TAFA1: variants seen among roughly 807,000 people sequenced by gnomAD.
The protein encoded by TAFA1 is chemokine-like protein TAFA-1.
TAFA1 carries 4 observed loss-of-function variants against 18.5 expected under a neutral mutation model. The ratio of observed to expected loss-of-function variants is 0.22; its 90% CI spans 0.11 to 0.49. The LOEUF (loss-of-function observed/expected upper bound fraction) is 0.49, where lower values mean the gene tolerates loss of function less well. Ranked by LOEUF, TAFA1 falls within the 20% of genes least tolerant of loss-of-function variation. The pLI is 0.98. For missense variants in TAFA1, 147 were observed against 169.0 expected, an observed-to-expected ratio of 0.87 and a Z score of 0.72; for synonymous variants, 56 against 55.2, an observed-to-expected ratio of 1.01 and a Z score of -0.06.
intron 2 of TAFA1, among the ~76,000 whole-genome samples, chr3:68,073,805 G>A (rs2064787534): frequency 6.6e-6 from 1 of 152,062 alleles, no homozygotes; most frequent in South Asian, 2.1e-4. Context: ...GATGGTGATG[G>A]TGATGATGAT....
intron 2 of TAFA1, among the ~76,000 whole-genome samples, chr3:68,066,761 G>T (rs2064683542): frequency 6.6e-6 from 1 of 152,088 alleles, no homozygotes; most frequent in Non-Finnish European, 1.5e-5. Flanking sequence ...GGCATCAAGA[G>T]GCAACAAAAA....
At chr3:68,313,987 T>C (rs2068564723) in intron 2 of TAFA1, among the ~76,000 whole-genome samples, 1 of 152,222 alleles carries the variant, frequency 6.6e-6, no homozygotes, top group Non-Finnish European at 1.5e-5. Flanking sequence ...GAATCCTTTT[T>C]TTTCAACATT....
chr3:68,492,171 T>C (rs1203684187), intron 3 of TAFA1, among the ~76,000 whole-genome samples: 2 of 152,144 alleles, frequency 1.3e-5, no homozygotes, highest in Non-Finnish European at 2.9e-5. Flanking sequence ...GACTGGTCCT[T>C]GTGGGTCCCT....
intron 2 of TAFA1, among the ~76,000 whole-genome samples, chr3:68,076,455 C>T (rs2064825195): frequency 8.7e-6 from 1 of 115,592 alleles, no homozygotes; most frequent in Non-Finnish European, 1.8e-5. Flanking sequence ...TATCCCTCCC[C>T]CCTCCCCCCA....
intron 3 of TAFA1, among the ~76,000 whole-genome samples, chr3:68,438,620 C>T (rs896938774): frequency 2.0e-5 from 3 of 152,116 alleles, no homozygotes; most frequent in African/African-American, 7.2e-5. Context: ...ACGCACCTTT[C>T]CACTCAGCAT....
intron 2 of TAFA1, among the ~76,000 whole-genome samples, chr3:68,038,533 T>C (rs535705265): frequency 2.0e-5 from 3 of 152,326 alleles, no homozygotes; most frequent in African/African-American, 7.2e-5. Context: ...GAGCCCGAAC[T>C]CTAGCAGGTG....
chr3:68,224,973 A>T (rs2107102137), intron 2 of TAFA1, among the ~76,000 whole-genome samples: 1 of 122,802 alleles, frequency 8.1e-6, no homozygotes, highest in Admixed American at 1.2e-4. Flanking sequence ...CAGTGGTGGG[A>T]TCTCAGCTCA....
chr3:68,249,374 A>C (rs2067146954), intron 2 of TAFA1, among the ~76,000 whole-genome samples: 1 of 152,160 alleles, frequency 6.6e-6, no homozygotes, highest in African/African-American at 2.4e-5. Context: ...TACTTGGGAG[A>C]AAATGTCTTC....
intron 2 of TAFA1, among the ~76,000 whole-genome samples, chr3:68,292,207 T>C (rs931070435): frequency 2.0e-5 from 3 of 152,086 alleles, no homozygotes; most frequent in African/African-American, 7.2e-5. Context: ...TCTTAGTAGC[T>C]GTGTCTTATC....
chr3:68,511,093 C>T (rs1183886071), intron 3 of TAFA1, among the ~76,000 whole-genome samples: 1 of 152,162 alleles, frequency 6.6e-6, no homozygotes, highest in African/African-American at 2.4e-5. Flanking sequence ...CTCAACTATG[C>T]TAGCTATTTT....
chr3:68,142,415 A>T (rs1028541092), intron 2 of TAFA1, among the ~76,000 whole-genome samples: 12 of 152,298 alleles, frequency 7.9e-5, no homozygotes, highest in African/African-American at 2.9e-4. Flanking sequence ...CCTTTCATCC[A>T]AACCCCCTGT....
At chr3:68,088,155 A>G (rs564339809) in intron 2 of TAFA1, among the ~76,000 whole-genome samples, 5 of 152,256 alleles carry the variant, frequency 3.3e-5, no homozygotes, top group Non-Finnish European at 7.3e-5. Flanking sequence ...TTTTACATAA[A>G]TCATACCATA....
rs57372768 is a variant in TAFA1, at chr3:68,521,856, G to GTTTTTTTTTTTTTTTTTTTTTT, written c.260-16880_260-16879insTTTTTTTTTTTTTTTTTTTTTT. ...TCTGGGTTTTTCTGTGTTTTTTTCT[G>GTTTTTTTTTTTTTTTTTTTTTT]TTTTTTTTTTTTTTTTTTTTGGAGA... On this transcript the variant is annotated intron_variant, in intron 3 of 4. Transcript: ENST00000478136. Among the ~76,000 whole-genome samples the GTTTTTTTTTTTTTTTTTTTTTT allele has an allele frequency of 7.1e-5, 5 of 70,858 alleles. 1 individual carries two copies. Among genetic ancestry groups the GTTTTTTTTTTTTTTTTTTTTTT allele is most frequent in the Admixed American group, 4.9e-4 (2 of 4,066 alleles). 46.5% of individuals were successfully genotyped at this position (70,858 alleles called of 152,430 possible). A position where few individuals can be genotyped will look rare whatever the true frequency, so the allele number is the denominator to read the frequency against.
At chr3:68,040,564 A>G (rs1223395792) in intron 2 of TAFA1, among the ~76,000 whole-genome samples, 1 of 152,206 alleles carries the variant, frequency 6.6e-6, no homozygotes, top group East Asian at 1.9e-4. Flanking sequence ...GGGACTAATG[A>G]TCTACACTTA....
chr3:68,300,679 T>C (rs2068288147), intron 2 of TAFA1, among the ~76,000 whole-genome samples: 1 of 152,152 alleles, frequency 6.6e-6, no homozygotes, highest in Non-Finnish European at 1.5e-5. Context: ...TCTTGAATTG[T>C]AATCCCCATA....
At chr3:68,495,141 G>T (rs2072522892) in intron 3 of TAFA1, among the ~76,000 whole-genome samples, 1 of 152,174 alleles carries the variant, frequency 6.6e-6, no homozygotes, top group South Asian at 2.1e-4. Context: ...CTTCAGGCTT[G>T]TAGGACACTT....
chr3:68,039,007 T>A, intron 2 of TAFA1, among the ~76,000 whole-genome samples: 1 of 152,224 alleles, frequency 6.6e-6, no homozygotes. Context: ...CCTGCTTCAG[T>A]ATCTTCCTTC....
At chr3:68,253,972 G>C (rs2067243997) in intron 2 of TAFA1, among the ~76,000 whole-genome samples, 1 of 152,146 alleles carries the variant, frequency 6.6e-6, no homozygotes, top group South Asian at 2.1e-4. Flanking sequence ...TACAGAAGCT[G>C]CAAACATAAT....
intron 2 of TAFA1, among the ~76,000 whole-genome samples, chr3:68,065,716 A>T (rs1244201521): frequency 7.7e-6 from 1 of 130,120 alleles, no homozygotes; most frequent in Non-Finnish European, 1.6e-5. Flanking sequence ...GTATACATAG[A>T]TGTTTGTGTG....
Sources: gnomAD v4.1 joint callset for allele counts (sites outside exome capture counted in the v4.1 genomes callset) on GRCh38, gnomAD v4.1.1 for gene constraint, MANE v1.5 for transcripts, NCBI Gene and HGNC (gene_info 2026-07-23, HGNC 2026-07-21) for gene names.